The following NDST4 variants were observed in gnomAD, a reference collection of about 807,000 sequenced individuals.
The protein encoded by NDST4 is N-deacetylase and N-sulfotransferase 4.
A neutral mutation model predicts 100.8 loss-of-function variants in NDST4; 63 were observed. The ratio of observed to expected loss-of-function variants is 0.62; its 90% CI spans 0.51 to 0.77. The LOEUF (loss-of-function observed/expected upper bound fraction) is 0.77. Ranked by LOEUF, NDST4 falls within the 30% of genes least tolerant of loss-of-function variation. NDST4 has a pLI of 0.00. For missense variants in NDST4, 943 were observed against 1,018.4 expected (o/e 0.93, Z 1.01); for synonymous variants, 377 against 361.8 (o/e 1.04, Z -0.48).
chr4:115,079,926 A>G (rs958730308), intron 1 of NDST4, among the ~76,000 whole-genome samples: 2 of 152,182 alleles, frequency 1.3e-5, no homozygotes, highest in African/African-American at 4.8e-5. Flanking sequence ...AATAACTTTT[A>G]AACTTTTTCA....
intron 9 of NDST4, 90 bp from the exon 10 acceptor site, chr4:114,846,087 A>T: frequency 4.3e-6 from 4 of 919,702 alleles, no homozygotes; most frequent in Non-Finnish European, 6.5e-6. Context: ...TTTAATATTC[A>T]TTTATAGCTA....
chr4:115,051,496 T>A (rs1260924454), intron 2 of NDST4, among the ~76,000 whole-genome samples: 1 of 152,150 alleles, frequency 6.6e-6, no homozygotes, highest in Non-Finnish European at 1.5e-5. Flanking sequence ...TTGCCACATA[T>A]GAGTGAAAGC....
At chr4:114,897,597 A>G (rs1282619262) in intron 6 of NDST4, among the ~76,000 whole-genome samples, 1 of 152,202 alleles carries the variant, frequency 6.6e-6, no homozygotes, top group African/African-American at 2.4e-5. Flanking sequence ...AATATCAAGC[A>G]GCATGATTGC....
At position 115,068,828 on chromosome 4, in the gene NDST4, A is replaced by T. The variant is rs548071127; in HGVS notation, c.978+7231T>A. Reference sequence around the variant, plus strand: ...GAGGCTCCATCTCAAAAAAAAAAAAAAAAAGAAAAGAAAAAGAAAGTAAAT... The same window carrying T: ...GAGGCTCCATCTCAAAAAAAAAAAATAAAAGAAAAGAAAAAGAAAGTAAAT... On this transcript the variant is annotated intron_variant, in intron 2 of 13. Coordinates refer to ENST00000264363, the MANE Select transcript of NDST4 (RefSeq NM_022569.3). 4.0e-5 allele frequency among the ~76,000 whole-genome samples: 6 copies of T among 151,850 alleles called. No individual in the cohort carries two copies. In the South Asian group the frequency reaches 1.2e-3, roughly 32 times the overall value.
chr4:114,852,266 C>T (rs1170191847), intron 8 of NDST4, among the ~76,000 whole-genome samples: 3 of 152,088 alleles, frequency 2.0e-5, no homozygotes, highest in African/African-American at 2.4e-5. Context: ...AAAGGAATCA[C>T]ATATGTAAAA....
rs981993203 is a variant in NDST4 at position 115,041,323 on chromosome 4, A to G, written c.978+34736T>C. Among the ~76,000 whole-genome samples, 10 of 152,234 alleles carry G rather than the reference A, an allele frequency of 6.6e-5. 1 individual carries two copies. ...TAAAGGACAGACTATTAGACAACTT[A>G]TTTAACAAAAGACTTTTTTGGGATC... is the stretch of plus-strand genomic sequence containing the variant. On this transcript the variant is annotated intron_variant, in intron 2 of 13. Transcript: ENST00000264363.
At chr4:115,051,558 T>C (rs1418870800) in intron 2 of NDST4, among the ~76,000 whole-genome samples, 1 of 152,164 alleles carries the variant, frequency 6.6e-6, no homozygotes, top group East Asian at 1.9e-4. Context: ...CATAATAGCC[T>C]CTAGTTCCAT....
In NDST4 at chr4:114,852,775, T is replaced by G. The variant is rs1723706359; in HGVS notation, c.1766A>C (p.Lys589Thr). The G allele has an allele frequency of 6.2e-7, 1 of 1,612,846 alleles. No homozygotes were observed. The highest frequency in any genetic ancestry group is 8.5e-7 in the Non-Finnish European group (1 of 1,179,406). The part of the protein sequence containing the change: ...KRHKDIWSRE[K>T]TCDHLPKFLV... ...AAATTTTGGTAAGTGGTCACAAGTT[T>G]TCTCTCTGGACCAGATGTCTTTGTG... The change falls in exon 8 of 14, where the codon AAA (lysine) becomes ACA (threonine). Residue 589 changes from lysine (K) to threonine (T), a missense_variant. Physicochemically the swap from Lys to Thr is moderately conservative, Grantham distance 78. This residue lies in a region of NDST4 where 526 missense variants were observed against 634.1 expected (regional missense o/e 0.83). Coordinates refer to ENST00000264363, the MANE Select transcript of NDST4 (RefSeq NM_022569.3).
intron 1 of NDST4, among the ~76,000 whole-genome samples, chr4:115,109,581 C>A (rs1342996449): frequency 6.6e-6 from 1 of 151,882 alleles, no homozygotes; most frequent in Non-Finnish European, 1.5e-5. Context: ...TGTTTCTCAA[C>A]AAAAGTCTCG....
intron 2 of NDST4, among the ~76,000 whole-genome samples, chr4:115,071,432 A>T (rs1469721782): frequency 6.6e-6 from 1 of 152,134 alleles, no homozygotes; most frequent in African/African-American, 2.4e-5. Context: ...AGTTACAAAC[A>T]TAACCAAGAT....
At chr4:115,055,265 A>T (rs1327851806) in intron 2 of NDST4, among the ~76,000 whole-genome samples, 1 of 152,080 alleles carries the variant, frequency 6.6e-6, no homozygotes, top group African/African-American at 2.4e-5. Context: ...ATTATTTCAT[A>T]ATATATTACA....
At chr4:115,077,533 T>G (rs549361923) in intron 1 of NDST4, among the ~76,000 whole-genome samples, 9 of 152,230 alleles carry the variant, frequency 5.9e-5, no homozygotes, top group South Asian at 2.1e-4. Flanking sequence ...TAGAAACATG[T>G]ATTGAGATCA....
chr4:115,091,817 G>A (rs549604543), intron 1 of NDST4, among the ~76,000 whole-genome samples: 2 of 152,114 alleles, frequency 1.3e-5, no homozygotes, highest in South Asian at 4.1e-4. Flanking sequence ...TTTTATTCAT[G>A]TTTTGAAATC....
intron 1 of NDST4, among the ~76,000 whole-genome samples, chr4:115,101,898 T>A (rs1729737720): frequency 6.6e-6 from 1 of 151,910 alleles, no homozygotes; most frequent in South Asian, 2.1e-4. Flanking sequence ...AGGAGACGGG[T>A]TGGAGAGGGA....
chr4:114,949,908 C>T (rs939424949), intron 4 of NDST4, among the ~76,000 whole-genome samples: 7 of 151,878 alleles, frequency 4.6e-5, no homozygotes, highest in African/African-American at 1.2e-4. Context: ...TAGCCTGAAA[C>T]GAGAAAGTAA....
At chr4:114,860,054 T>G (rs895742080) in intron 7 of NDST4, among the ~76,000 whole-genome samples, 1 of 152,220 alleles carries the variant, frequency 6.6e-6, no homozygotes, top group Admixed American at 6.5e-5. Context: ...GGATCAGTAA[T>G]GTATAATGAC....
At chr4:115,080,782 C>T (rs1729286373) in intron 1 of NDST4, among the ~76,000 whole-genome samples, 1 of 151,704 alleles carries the variant, frequency 6.6e-6, no homozygotes, top group Non-Finnish European at 1.5e-5. Context: ...TTAGATTTAT[C>T]CAAGCTCACA....
intron 2 of NDST4, among the ~76,000 whole-genome samples, chr4:115,013,520 G>A (rs1054646431): frequency 7.3e-5 from 11 of 151,620 alleles, no homozygotes; most frequent in African/African-American, 2.7e-4. Flanking sequence ...ATAATCAGAT[G>A]TTTTAGGGAC....
At chr4:115,097,645 C>T (rs1018624322) in intron 1 of NDST4, among the ~76,000 whole-genome samples, 43 of 152,236 alleles carry the variant, frequency 2.8e-4, no homozygotes, top group African/African-American at 1.0e-3. Flanking sequence ...AGCCCTTGCT[C>T]CACATCATTT....
Sources: allele counts gnomAD v4.1 joint callset (sites outside exome capture counted in the v4.1 genomes callset), GRCh38; gene constraint gnomAD v4.1.1; regional missense constraint gnomAD v4.1.1; transcripts MANE v1.5; gene names NCBI Gene and HGNC (gene_info 2026-07-23, HGNC 2026-07-21).